The following SLC25A42 variants were observed in gnomAD, a reference collection of about 807,000 sequenced individuals.
The protein encoded by SLC25A42 is solute carrier family 25 member 42.
SLC25A42 carries 19 observed loss-of-function variants against 34.7 expected under a neutral mutation model. The ratio of observed to expected loss-of-function variants is 0.55; its 90% CI spans 0.38 to 0.80. The LOEUF is 0.80. Ranked by LOEUF, SLC25A42 falls within the 30% of genes least tolerant of loss-of-function variation. SLC25A42 has a pLI of 0.00. For synonymous variants in SLC25A42, 205 were observed against 191.2 expected, an observed-to-expected ratio of 1.07 and a Z score of -0.59; for missense variants, 364 against 441.3, an observed-to-expected ratio of 0.82 and a Z score of 1.57.
chr19:19,082,096 T>G (rs2059684588), intron 1 of SLC25A42, among the ~76,000 whole-genome samples: 2 of 152,176 alleles, frequency 1.3e-5, no homozygotes, highest in Non-Finnish European at 2.9e-5. Flanking sequence ...CAGTTGGTCC[T>G]CTTCCCTTGT....
chr19:19,087,410 C>T (rs1360208003), intron 1 of SLC25A42, among the ~76,000 whole-genome samples: 1 of 152,192 alleles, frequency 6.6e-6, no homozygotes, highest in Non-Finnish European at 1.5e-5. Context: ...GCCTCGGCCT[C>T]CCGAGTAGCT....
At chr19:19,094,137 C>T (rs1235054191) in intron 1 of SLC25A42, among the ~76,000 whole-genome samples, 1 of 152,212 alleles carries the variant, frequency 6.6e-6, no homozygotes, top group Non-Finnish European at 1.5e-5. Context: ...GTGCTGCAGT[C>T]ACTGACAGCC....
chr19:19,111,151 G>GC lies in SLC25A42; in HGVS notation c.*278dup. 1 of 513,086 alleles carries GC rather than the reference G, an allele frequency of 1.9e-6. No individual in the cohort carries two copies. The highest frequency in any genetic ancestry group is 3.6e-5 in the East Asian group (1 of 27,578). The allele number at this position is 513,086 out of a possible 1,614,324, so 31.8% of individuals were successfully genotyped here. The stretch of plus-strand genomic sequence containing the variant: ...GCTGGCGCTGTCTGCCGGAGGTGTT[G>GC]CCCAAAAGGCCCTAGTGGGGCGTGG... On this transcript the variant is annotated 3_prime_UTR_variant, in exon 8 of 8. Coordinates refer to ENST00000318596, the MANE Select transcript of SLC25A42 (RefSeq NM_178526.5).
chr19:19,103,342 G>A (rs1323311849), intron 3 of SLC25A42, among the ~76,000 whole-genome samples: 1 of 152,098 alleles, frequency 6.6e-6, no homozygotes, highest in Non-Finnish European at 1.5e-5. Context: ...TGATCCACCC[G>A]CCTTGGCCTC....
chr19:19,100,026 C>T (rs1237508179), intron 2 of SLC25A42, among the ~76,000 whole-genome samples: 9 of 151,890 alleles, frequency 5.9e-5, no homozygotes, highest in Non-Finnish European at 2.9e-5. Context: ...CAGTGCCCAG[C>T]CCCACTCTGG....
At chr19:19,105,330 G>C in intron 4 of SLC25A42, 1 of 597,852 alleles carries the variant, frequency 1.7e-6, no homozygotes, top group Non-Finnish European at 2.9e-6. Context: ...AGAGAACTTG[G>C]TGGGGTGGGA....
chr19:19,082,056 C>G (rs992561976), intron 1 of SLC25A42, among the ~76,000 whole-genome samples: 3 of 152,196 alleles, frequency 2.0e-5, no homozygotes, highest in African/African-American at 7.2e-5. Context: ...GCCTGACGTC[C>G]ACCTCCCGTC....
intron 2 of SLC25A42, among the ~76,000 whole-genome samples, chr19:19,099,988 A>G (rs1599684485): frequency 6.6e-6 from 1 of 150,786 alleles, no homozygotes; most frequent in Non-Finnish European, 1.5e-5. Flanking sequence ...TCGGCCTCCC[A>G]AAGTGCTGAG....
rs75185638 is a variant in SLC25A42, at chr19:19,112,443, C to G, written c.*1567C>G. The G allele has an allele frequency of 0.028, 4,285 of 152,472 alleles. 93 individuals carry two copies. The highest frequency in any genetic ancestry group is 0.07 in the South Asian group (336 of 4,830). The allele number at this position is 152,472 out of a possible 1,614,324, so 9.4% of individuals were successfully genotyped here. The stretch of plus-strand genomic sequence containing the variant: ...GTCCCACTGTGTGGGTATCCCTTAC[C>G]CAGCACTTAAACTTGGCAGGAGAGG... On this transcript the variant is annotated 3_prime_UTR_variant, in exon 8 of 8. Coordinates refer to ENST00000318596, the MANE Select transcript of SLC25A42 (RefSeq NM_178526.5). This position sits in a 1 kb window ranked among gnomAD's most constrained non-coding sequence, Gnocchi z 4.3.
intron 1 of SLC25A42, among the ~76,000 whole-genome samples, chr19:19,086,841 A>T (rs910742052): frequency 6.6e-6 from 1 of 152,044 alleles, no homozygotes; most frequent in Non-Finnish European, 1.5e-5. Flanking sequence ...GGGCTTTTCC[A>T]TGTTGCCCAG....
intron 1 of SLC25A42, among the ~76,000 whole-genome samples, chr19:19,080,113 G>A (rs1189373521): frequency 6.6e-6 from 1 of 152,188 alleles, no homozygotes; most frequent in Non-Finnish European, 1.5e-5. Context: ...TTCCGCATGT[G>A]TAGGCTTGTC....
At chr19:19,108,736 C>T (rs1177516113) in intron 7 of SLC25A42, among the ~76,000 whole-genome samples, 2 of 152,160 alleles carry the variant, frequency 1.3e-5, no homozygotes, top group African/African-American at 4.8e-5. Context: ...TCATACCTGC[C>T]ACTGCATGTG....
At position 19,111,254 on chromosome 19, in the gene SLC25A42, G is replaced by A. The variant is rs10418328; in HGVS notation, c.*378G>A. 689 of 278,480 alleles carry A rather than the reference G, an allele frequency of 2.5e-3. 7 individuals carry two copies. The highest frequency in any genetic ancestry group is 0.015 in the African/African-American group (656 of 43,644). 17.3% of individuals were successfully genotyped at this position (278,480 alleles called of 1,614,324 possible). A position where few individuals can be genotyped will look rare whatever the true frequency, so the allele number is the denominator to read the frequency against. On this transcript the variant is annotated 3_prime_UTR_variant, in exon 8 of 8. Coordinates refer to ENST00000318596, the MANE Select transcript of SLC25A42 (RefSeq NM_178526.5). ...GACCCCTGTCCCCACCAGGCTCAGA[G>A]CCAGACCGCGCCTGGACCTTCTTGT...
chr19:19,105,722 T>C lies in SLC25A42; in HGVS notation c.375T>C (p.Arg125=), dbSNP rs1353151535. The change falls in exon 5 of 8, where the codon CGT becomes CGC. Residue 125 remains arginine (R), a synonymous_variant. Transcript: ENST00000318596. ...TCCTGGGCAGCTACTATGGCTTCCG[T>C]GGAGAGTGAGGCCCCGCCCCGCCCT... is the stretch of plus-strand genomic sequence containing the variant. ...KRILGSYYGF[R]GEALPPWPRL... is the part of the protein sequence containing the mutation. 7 of 1,571,784 alleles carry C rather than the reference T, an allele frequency of 4.5e-6. No homozygotes were observed. In the East Asian group the frequency reaches 7.0e-5, roughly 16 times the overall value.
In SLC25A42 at chr19:19,081,959, T is replaced by TG. The variant is rs975321839; in HGVS notation, c.-34-14129dup. On this transcript the variant is annotated intron_variant, in intron 1 of 7. Transcript: ENST00000318596. This position sits in a 1 kb window ranked among gnomAD's most constrained non-coding sequence, Gnocchi z 4.5. ...ATCACCTGGTCACTGGTCGCAAGTC[T>TG]GGGTACACGTTGTCATGGGAGTGAT... 7.9e-5 allele frequency among the ~76,000 whole-genome samples: 12 copies of TG among 152,176 alleles called. No individual in the cohort carries two copies. The highest frequency in any genetic ancestry group is 2.9e-4 in the African/African-American group (12 of 41,454).
chr19:19,065,132 G>A (rs1250366990), intron 1 of SLC25A42, among the ~76,000 whole-genome samples: 3 of 152,130 alleles, frequency 2.0e-5, no homozygotes, highest in Non-Finnish European at 2.9e-5. Flanking sequence ...GGTCCGGAAA[G>A]GCTTAGCTGG....
intron 5 of SLC25A42, 181 bp downstream of exon 5, chr19:19,105,908 T>C (rs2059824708): frequency 5.0e-6 from 3 of 604,782 alleles, no homozygotes; most frequent in Non-Finnish European, 8.7e-6. Flanking sequence ...CCTGACTCTG[T>C]CACATGCCCT....
At chr19:19,070,442 T>C (rs866259079) in intron 1 of SLC25A42, among the ~76,000 whole-genome samples, 7 of 151,882 alleles carry the variant, frequency 4.6e-5, no homozygotes, top group Middle Eastern at 3.4e-3. Flanking sequence ...GGATTACAGG[T>C]GCGCACCACC....
At chr19:19,087,489 T>A (rs977595057) in intron 1 of SLC25A42, among the ~76,000 whole-genome samples, 1 of 152,194 alleles carries the variant, frequency 6.6e-6, no homozygotes, top group Non-Finnish European at 1.5e-5. Flanking sequence ...GGTTTCACCA[T>A]GTTGGCCAGG....
Sources: allele counts gnomAD v4.1 joint callset (sites outside exome capture counted in the v4.1 genomes callset), GRCh38; gene constraint gnomAD v4.1.1; non-coding constraint Gnocchi (gnomAD v3.1); transcripts MANE v1.5; gene names NCBI Gene and HGNC (gene_info 2026-07-23, HGNC 2026-07-21).